PCDH15: variants seen among roughly 807,000 people sequenced by gnomAD.
The protein encoded by PCDH15 is protocadherin related 15.
A neutral mutation model predicts 178.5 loss-of-function variants in PCDH15; 129 were observed. The observed-to-expected ratio is 0.72, with a 90% confidence interval of 0.63 to 0.84. The LOEUF (loss-of-function observed/expected upper bound fraction) is 0.84, where lower values mean the gene tolerates loss of function less well. Ranked by LOEUF, PCDH15 falls within the 40% of genes least tolerant of loss-of-function variation. The probability of loss-of-function intolerance (pLI) is 0.00; values close to 1 mark genes in which losing one functional copy is unlikely to be tolerated. For synonymous variants in PCDH15, 800 were observed against 732.0 expected (o/e 1.09, Z -1.50); for missense variants, 2,230 against 2,099.9 (o/e 1.06, Z -1.21).
In PCDH15 at chr10:53,822,642, T is replaced by G. The variant is rs1294287493; in HGVS notation, c.4368-2412A>C. ...TGAAGGAGAAAGTTCCAAGGAACAC[T>G]CAGCAGGAGAACTGATGACATTAGG... On this transcript the variant is annotated intron_variant, in intron 32 of 37. Transcript: ENST00000644397. 3 of 1,613,948 alleles carry G rather than the reference T, an allele frequency of 1.9e-6. No individual in the cohort carries two copies. In the African/African-American group the frequency reaches 4.0e-5, roughly 22 times the overall value.
intron 18 of PCDH15, among the ~76,000 whole-genome samples, chr10:54,051,167 C>T (rs1389565862): frequency 1.3e-5 from 2 of 152,146 alleles, no homozygotes; most frequent in African/African-American, 4.8e-5. Flanking sequence ...CAGACTAGTA[C>T]AGTACATTGG....
intron 2 of PCDH15, among the ~76,000 whole-genome samples, chr10:54,914,749 T>C (rs557388878): frequency 1.3e-5 from 2 of 152,334 alleles, no homozygotes; most frequent in South Asian, 4.1e-4. Flanking sequence ...AAGAAATTCA[T>C]AGAATACTCA....
At chr10:54,514,161 T>A (rs1324280518) in intron 3 of PCDH15, among the ~76,000 whole-genome samples, 7 of 152,206 alleles carry the variant, frequency 4.6e-5, no homozygotes, top group Admixed American at 6.5e-5. Flanking sequence ...GTTAGTGCTA[T>A]CTCTGAACAA....
intron 3 of PCDH15, among the ~76,000 whole-genome samples, chr10:54,420,853 A>C (rs1955175837): frequency 1.3e-5 from 2 of 152,084 alleles, no homozygotes; most frequent in Non-Finnish European, 2.9e-5. Flanking sequence ...GATATGCATA[A>C]ATATTTTTAA....
rs1024903692 is a variant in PCDH15 at position 53,982,826 on chromosome 10, TA to T, written c.2868+12822del. Among the ~76,000 whole-genome samples the T allele has an allele frequency of 2.7e-5, 4 of 150,094 alleles. No individual in the cohort carries two copies. The East Asian group carries it at 6.1e-4, about 23-fold the overall frequency. ...CCTAAAACTTAAAGTATAATAATAA[TA>T]AAAAAATATAAAAAAAGAAAATATA... On this transcript the variant is annotated intron_variant, in intron 21 of 37. Coordinates refer to ENST00000644397, the MANE Select transcript of PCDH15 (RefSeq NM_001384140.1).
intron 3 of PCDH15, among the ~76,000 whole-genome samples, chr10:54,826,214 G>A (rs1303200262): frequency 6.6e-6 from 1 of 151,798 alleles, no homozygotes; most frequent in Non-Finnish European, 1.5e-5. Context: ...TTATGAGGGA[G>A]TCAATAAATG....
intron 2 of PCDH15, chr10:55,600,026 CA>C: frequency 8.0e-7 from 1 of 1,242,802 alleles, no homozygotes; most frequent in Admixed American, 2.8e-5. Context: ...CAAATAGATT[CA>C]AACAAGCCAA....
chr10:54,512,516 T>G (rs2081803306), intron 3 of PCDH15, among the ~76,000 whole-genome samples: 1 of 152,014 alleles, frequency 6.6e-6, no homozygotes, highest in Admixed American at 6.6e-5. Context: ...GAAGAAAGGG[T>G]TATCAAAATT....
intron 3 of PCDH15, among the ~76,000 whole-genome samples, chr10:54,868,148 A>C (rs1009891123): frequency 3.9e-5 from 6 of 152,210 alleles, no homozygotes; most frequent in African/African-American, 1.4e-4. Context: ...GCAAATATTA[A>C]TAAAGTGAAA....
intron 21 of PCDH15, among the ~76,000 whole-genome samples, chr10:53,986,738 G>A (rs574532843): frequency 1.3e-5 from 2 of 152,166 alleles, no homozygotes; most frequent in East Asian, 1.9e-4. Context: ...GACCAATACC[G>A]CATGATTGCA....
intron 1 of PCDH15, among the ~76,000 whole-genome samples, chr10:54,734,955 C>A (rs182292095): frequency 3.8e-4 from 58 of 151,994 alleles, no homozygotes; most frequent in Non-Finnish European, 6.9e-4. Flanking sequence ...GGTTACAAGA[C>A]TACATGTTTG....
chr10:54,930,665 A>G (rs1368561770), intron 2 of PCDH15, among the ~76,000 whole-genome samples: 3 of 152,176 alleles, frequency 2.0e-5, no homozygotes. Flanking sequence ...TATAGAAATA[A>G]TAAACCTTGA....
At chr10:54,524,158 T>C (rs2083153082) in intron 3 of PCDH15, among the ~76,000 whole-genome samples, 1 of 152,232 alleles carries the variant, frequency 6.6e-6, no homozygotes, top group Non-Finnish European at 1.5e-5. Flanking sequence ...GAGTCCATCA[T>C]GGCATCCTTG....
intron 3 of PCDH15, among the ~76,000 whole-genome samples, chr10:54,838,988 G>A (rs994223229): frequency 1.3e-5 from 2 of 152,102 alleles, no homozygotes; most frequent in Admixed American, 1.3e-4. Context: ...CCACTCAACT[G>A]GGATTGTAGA....
intron 8 of PCDH15, among the ~76,000 whole-genome samples, chr10:54,304,398 T>C (rs773767556): frequency 6.6e-6 from 1 of 152,120 alleles, no homozygotes; most frequent in South Asian, 2.1e-4. Flanking sequence ...GAAGTTATAT[T>C]GTTTCCTGAA....
chr10:55,249,117 C>T (rs1247026536), intron 1 of PCDH15, among the ~76,000 whole-genome samples: 1 of 152,040 alleles, frequency 6.6e-6, no homozygotes, highest in African/African-American at 2.4e-5. Flanking sequence ...AACAGAGACA[C>T]CAACCTCCGT....
intron 26 of PCDH15, among the ~76,000 whole-genome samples, chr10:53,888,796 A>G (rs539974746): frequency 4.1e-5 from 6 of 148,002 alleles, no homozygotes; most frequent in Non-Finnish European, 6.0e-5. Flanking sequence ...TTGAAGACAA[A>G]AAAATAAGCA....
At chr10:54,172,290 C>T (rs1002785394) in intron 13 of PCDH15, among the ~76,000 whole-genome samples, 2 of 151,898 alleles carry the variant, frequency 1.3e-5, no homozygotes, top group South Asian at 2.1e-4. Flanking sequence ...AACACCCCCA[C>T]TGAGCACCTT....
In PCDH15 at chr10:54,752,024, G is replaced by A. The variant is rs543185934; in HGVS notation, c.-29+48901C>T. On this transcript the variant is annotated intron_variant, in intron 1 of 37. Transcript: ENST00000644397. ...AAAAGACTTGTTTTATTGTGAAAAT[G>A]TTATTCAATATATTTTATTCCAGAT... is the stretch of plus-strand genomic sequence containing the variant. Among the ~76,000 whole-genome samples, 5 of 152,228 alleles carry A rather than the reference G, an allele frequency of 3.3e-5. No individual in the cohort carries two copies. The East Asian group carries it at 7.7e-4, about 23-fold the overall frequency.
Sources: allele counts gnomAD v4.1 joint callset (sites outside exome capture counted in the v4.1 genomes callset), GRCh38; gene constraint gnomAD v4.1.1; transcripts MANE v1.5; gene names NCBI Gene and HGNC (gene_info 2026-07-23, HGNC 2026-07-21).